KIAA1217: variants seen among roughly 807,000 people sequenced by gnomAD.
The protein encoded by KIAA1217 is sickle tail protein homolog.
Under a neutral mutation model 163.9 loss-of-function variants are expected in KIAA1217, and 88 were observed. That is an observed-to-expected ratio of 0.54 (90% confidence interval 0.45 to 0.64). KIAA1217 has a LOEUF of 0.64. KIAA1217 is among the 30% of genes least tolerant of loss of function. The pLI, the probability that KIAA1217 is intolerant of heterozygous loss-of-function variation, is 0.00. For missense variants in KIAA1217, 2,372 were observed against 2,475.0 expected (o/e 0.96, Z 0.88); for synonymous variants, 903 against 923.1 (o/e 0.98, Z 0.39).
intron 2 of KIAA1217, among the ~76,000 whole-genome samples, chr10:24,177,382 T>C (rs922353172): frequency 1.3e-5 from 2 of 148,148 alleles, no homozygotes; most frequent in African/African-American, 5.0e-5. Flanking sequence ...TATATATATG[T>C]GTGTGTCTCA....
intron 3 of KIAA1217, among the ~76,000 whole-genome samples, chr10:24,396,438 G>A (rs1362445304): frequency 6.6e-6 from 1 of 152,138 alleles, no homozygotes; most frequent in African/African-American, 2.4e-5. Context: ...CTGTTCTGTT[G>A]GAGGAGGCAG....
At chr10:24,433,576 A>G (rs796620253) in intron 4 of KIAA1217, among the ~76,000 whole-genome samples, 10 of 152,290 alleles carry the variant, frequency 6.6e-5, no homozygotes, top group African/African-American at 2.4e-4. Context: ...GAAATGATTC[A>G]GTCCACCATT....
At chr10:24,437,767 A>G (rs1049733634) in intron 4 of KIAA1217, among the ~76,000 whole-genome samples, 3 of 151,950 alleles carry the variant, frequency 2.0e-5, no homozygotes, top group Non-Finnish European at 4.4e-5. Flanking sequence ...TTCGATTTGT[A>G]TATAGAAAAA....
chr10:23,712,224 G>A (rs1050739400), intron 1 of KIAA1217, among the ~76,000 whole-genome samples: 1 of 152,014 alleles, frequency 6.6e-6, no homozygotes, highest in Non-Finnish European at 1.5e-5. Flanking sequence ...GTTTGAGGGT[G>A]GAAGGTAGAA....
At chr10:23,737,031 G>A (rs896008681) in intron 1 of KIAA1217, among the ~76,000 whole-genome samples, 10 of 152,156 alleles carry the variant, frequency 6.6e-5, no homozygotes, top group African/African-American at 2.4e-4. Context: ...TTACAAAATT[G>A]GGTGTTCTGA....
intron 2 of KIAA1217, among the ~76,000 whole-genome samples, chr10:24,032,625 C>T (rs1385375286): frequency 6.6e-6 from 1 of 152,158 alleles, no homozygotes; most frequent in Admixed American, 6.5e-5. Context: ...GCCTCGCTTG[C>T]ATTTCAAAGT....
At chr10:24,303,588 G>C (rs2041640776) in intron 2 of KIAA1217, among the ~76,000 whole-genome samples, 1 of 152,196 alleles carries the variant, frequency 6.6e-6, no homozygotes, top group Non-Finnish European at 1.5e-5. Context: ...TCGGCAACTG[G>C]AGGAGGATTC....
rs1312074283 is a variant in KIAA1217 at position 24,334,678 on chromosome 10, C to G, written c.355-46191C>G. Among the ~76,000 whole-genome samples, 3 of 152,126 alleles carry G rather than the reference C, an allele frequency of 2.0e-5. No individual in the cohort carries two copies. In the East Asian group the frequency reaches 5.8e-4, roughly 29 times the overall value. ...GTGCCTCTCAGCTCTGTGAATGAAC[C>G]ATGTCTACCCTGCTCACTCACCATT... On this transcript the variant is annotated intron_variant, in intron 2 of 20. Coordinates refer to ENST00000376454, the MANE Select transcript of KIAA1217 (RefSeq NM_019590.5).
At chr10:24,280,282 A>C (rs1425524358) in intron 2 of KIAA1217, among the ~76,000 whole-genome samples, 1 of 152,220 alleles carries the variant, frequency 6.6e-6, no homozygotes. Flanking sequence ...AGGGGTCCGT[A>C]TTTTAAGGAC....
At chr10:23,700,441 A>G (rs760351034) in intron 1 of KIAA1217, among the ~76,000 whole-genome samples, 1 of 152,108 alleles carries the variant, frequency 6.6e-6, no homozygotes, top group Non-Finnish European at 1.5e-5. Context: ...CTACTAACAC[A>G]TAAGGCAAAT....
At chr10:24,243,734 T>C (rs2073407455) in intron 2 of KIAA1217, among the ~76,000 whole-genome samples, 1 of 151,932 alleles carries the variant, frequency 6.6e-6, no homozygotes, top group African/African-American at 2.4e-5. Context: ...TTTGTGTGTA[T>C]ATATAGGACT....
chr10:24,463,830 A>C (rs1339857994), intron 5 of KIAA1217, among the ~76,000 whole-genome samples: 1 of 152,214 alleles, frequency 6.6e-6, no homozygotes, highest in African/African-American at 2.4e-5. Flanking sequence ...CTTTGCTTTT[A>C]GGCCTAGTCA....
intron 1 of KIAA1217, among the ~76,000 whole-genome samples, chr10:23,808,818 A>G (rs1836857751): frequency 6.6e-6 from 1 of 152,170 alleles, no homozygotes; most frequent in Non-Finnish European, 1.5e-5. Flanking sequence ...TGGTTCCTGA[A>G]TATGATAAGT....
chr10:23,854,749 G>A (rs563126219), intron 1 of KIAA1217, among the ~76,000 whole-genome samples: 496 of 152,100 alleles, frequency 3.3e-3, no homozygotes, highest in African/African-American at 0.011. Context: ...TGTTGAATTG[G>A]TCCCTTTACC....
intron 2 of KIAA1217, among the ~76,000 whole-genome samples, chr10:24,300,216 A>G (rs753810077): frequency 6.6e-6 from 1 of 152,362 alleles, no homozygotes; most frequent in Non-Finnish European, 1.5e-5. Context: ...TAAATTGGTA[A>G]CAAAATGAAT....
intron 1 of KIAA1217, among the ~76,000 whole-genome samples, chr10:23,923,086 T>A (rs1842906296): frequency 6.6e-6 from 1 of 152,084 alleles, no homozygotes; most frequent in Admixed American, 6.5e-5. Context: ...CTTTTATCCT[T>A]CACCCCACTC....
At chr10:24,200,221 T>G (rs1211830591) in intron 2 of KIAA1217, among the ~76,000 whole-genome samples, 1 of 151,690 alleles carries the variant, frequency 6.6e-6, no homozygotes, top group East Asian at 1.9e-4. Context: ...TAATTTTTTT[T>G]TTTTTTTAAG....
intron 1 of KIAA1217, among the ~76,000 whole-genome samples, chr10:23,951,507 T>C (rs1001244942): frequency 1.3e-5 from 2 of 152,008 alleles, no homozygotes; most frequent in African/African-American, 4.8e-5. Context: ...ACAAAAATTA[T>C]GCCAGCATGG....
In KIAA1217 at chr10:24,464,135, C is replaced by T. The variant is rs139254934; in HGVS notation, c.847-9093C>T. ...GAAATTGGCTTGTCTGGTTCATTAG[C>T]AGGTACTCTGGGGCCTTTGGAGATT... On this transcript the variant is annotated intron_variant, in intron 5 of 20. Coordinates refer to ENST00000376454, the MANE Select transcript of KIAA1217 (RefSeq NM_019590.5). Among the ~76,000 whole-genome samples, 796 of 152,258 alleles carry T rather than the reference C, an allele frequency of 5.2e-3. 10 individuals are homozygous for T. Among genetic ancestry groups the T allele is most frequent in the African/African-American group, 0.018 (765 of 41,546 alleles).
Sources: allele counts gnomAD v4.1 joint callset (sites outside exome capture counted in the v4.1 genomes callset), GRCh38; gene constraint gnomAD v4.1.1; transcripts MANE v1.5; gene names NCBI Gene and HGNC (gene_info 2026-07-23, HGNC 2026-07-21).